Variants in SYBU observed in about 807,000 individuals in gnomAD.
SYBU encodes the protein syntabulin.
SYBU carries 21 observed loss-of-function variants against 35.9 expected under a neutral mutation model. The observed-to-expected ratio is 0.58, with a 90% CI of 0.41 to 0.84. The LOEUF (loss-of-function observed/expected upper bound fraction) is 0.84. Ranked by LOEUF, SYBU falls within the 40% of genes least tolerant of loss-of-function variation. The pLI, the probability that SYBU is intolerant of heterozygous loss-of-function variation, is 0.00. For synonymous variants in SYBU, 319 were observed against 324.3 expected, an observed-to-expected ratio of 0.98 and a Z score of 0.18; for missense variants, 768 against 848.2, an observed-to-expected ratio of 0.91 and a Z score of 1.17.
intron 1 of SYBU, among the ~76,000 whole-genome samples, chr8:109,686,504 C>A (rs541983627): frequency 6.6e-6 from 1 of 152,080 alleles, no homozygotes; most frequent in Non-Finnish European, 1.5e-5. Context: ...CATTCCATAC[C>A]ATTTAAAGTT....
At chr8:109,593,439 T>C (rs1824514304) in intron 3 of SYBU, among the ~76,000 whole-genome samples, 1 of 152,162 alleles carries the variant, frequency 6.6e-6, no homozygotes, top group Non-Finnish European at 1.5e-5. Flanking sequence ...GAATACATTA[T>C]CAGAGGACTG....
chr8:109,633,001 G>A (rs1333530388), intron 2 of SYBU, among the ~76,000 whole-genome samples: 1 of 152,126 alleles, frequency 6.6e-6, no homozygotes, highest in African/African-American at 2.4e-5. Context: ...TTTGCTTCAT[G>A]AACAGAAAGG....
At chr8:109,581,746 G>A (rs1277197586) in intron 4 of SYBU, among the ~76,000 whole-genome samples, 2 of 152,150 alleles carry the variant, frequency 1.3e-5, no homozygotes, top group Non-Finnish European at 2.9e-5. Flanking sequence ...GGGTACACTT[G>A]GCTTCAAAAC....
intron 6 of SYBU, 51 bp downstream of exon 6, chr8:109,577,817 A>G (rs773167977): frequency 2.0e-6 from 3 of 1,501,990 alleles, no homozygotes; most frequent in East Asian, 4.7e-5. Context: ...ATTTCATTTT[A>G]TGGAGAAAGA....
At position 109,575,987 on chromosome 8, in the gene SYBU, G is replaced by GACTT; in HGVS notation, c.907_910dup (p.Ser304Ter). 5.6e-6 allele frequency: 9 copies of GACTT among 1,600,424 alleles called. No homozygotes were observed. The highest frequency in any genetic ancestry group is 6.8e-6 in the Non-Finnish European group (8 of 1,176,726). The stretch of plus-strand genomic sequence containing the variant: ...GTCCTCTCGCATGCGGGCCAGCTGG[G>GACTT]ACTTAAGCTCCACGATTTCACTTTC... On this transcript the variant is annotated stop_gained and frameshift_variant, in exon 7 of 7. Coordinates refer to ENST00000276646, the MANE Select transcript of SYBU (RefSeq NM_001099754.2). LOFTEE classifies it low-confidence loss of function (END_TRUNC).
intron 5 of SYBU, 88 bp from the exon 6 acceptor site, chr8:109,578,105 G>A: frequency 3.7e-6 from 5 of 1,369,720 alleles, no homozygotes; most frequent in Admixed American, 2.2e-5. Flanking sequence ...TCAACTGAAT[G>A]TCTGTGTCCC....
intron 4 of SYBU, chr8:109,580,918 T>C (rs1269093813): frequency 6.6e-6 from 1 of 152,266 alleles, no homozygotes; most frequent in African/African-American, 2.4e-5. Context: ...CCTTAGGTTT[T>C]TGAACTCATA....
At chr8:109,652,790 G>A (rs1351061618) in intron 1 of SYBU, among the ~76,000 whole-genome samples, 1 of 152,194 alleles carries the variant, frequency 6.6e-6, no homozygotes, top group Admixed American at 6.5e-5. Context: ...ATTATTTGGT[G>A]GTTGTGAAAT....
At chr8:109,604,919 A>ATCT (rs1825917516) in intron 3 of SYBU, among the ~76,000 whole-genome samples, 1 of 152,198 alleles carries the variant, frequency 6.6e-6, no homozygotes, top group African/African-American at 2.4e-5. Context: ...AGGCTCACAG[A>ATCT]GCCTGCCTAT....
chr8:109,577,904 G>GT lies in SYBU; in HGVS notation c.847dup (p.Thr283AsnfsTer7). ...TCGGCGCTCAGATTCCTTCAGCTTG[G>GT]TTTTGAGGTGTCTCACTGTCACCTC... is the stretch of plus-strand genomic sequence containing the variant. On this transcript the variant is annotated frameshift_variant, in exon 6 of 7. Transcript: ENST00000276646. LOFTEE classifies it low-confidence loss of function (END_TRUNC). 6.2e-7 allele frequency: 1 copy of GT among 1,613,802 alleles called. No homozygotes were observed. Among genetic ancestry groups the GT allele is most frequent in the South Asian group, 1.1e-5 (1 of 90,946 alleles).
chr8:109,614,944 T>C (rs1490710267), intron 3 of SYBU, among the ~76,000 whole-genome samples: 1 of 152,246 alleles, frequency 6.6e-6, no homozygotes, highest in Non-Finnish European at 1.5e-5. Flanking sequence ...CGGGCCCTGT[T>C]GGCAAGGTAC....
At chr8:109,576,041 T>G in intron 6 of SYBU, 28 bp from the exon 7 acceptor site, 1 of 754,108 alleles carries the variant, frequency 1.3e-6, no homozygotes. Flanking sequence ...GCATGGTTAA[T>G]TAAAAAAAAA....
At position 109,644,716 on chromosome 8, in the gene SYBU, C is replaced by A; in HGVS notation, c.-57G>T. On this transcript the variant is annotated 5_prime_UTR_variant, in exon 1 of 7. Coordinates refer to ENST00000276646, the MANE Select transcript of SYBU (RefSeq NM_001099754.2). ...CGCTGCCGCCGTCCAGGAGGAGGCACCTGCGAGCACGGAGCGAGGAGACTG... is the reference window on the plus strand; with the variant it reads ...CGCTGCCGCCGTCCAGGAGGAGGCAACTGCGAGCACGGAGCGAGGAGACTG... The A allele has an allele frequency of 6.9e-7, 1 of 1,459,622 alleles. No individual in the cohort carries two copies. The highest frequency in any genetic ancestry group is 9.0e-7 in the Non-Finnish European group (1 of 1,114,098). The allele number at this position is 1,459,622 out of a possible 1,614,324, so 90.4% of individuals were successfully genotyped here. A position where few individuals can be genotyped will look rare whatever the true frequency, so the allele number is the denominator to read the frequency against.
chr8:109,580,369 A>T (rs1822885793), intron 4 of SYBU: 1 of 210,156 alleles, frequency 4.8e-6, no homozygotes, highest in African/African-American at 2.3e-5. Context: ...TTTTTGTTCT[A>T]GTCCACCTGT....
At chr8:109,690,562 A>G (rs1817622536) in intron 1 of SYBU, among the ~76,000 whole-genome samples, 1 of 152,196 alleles carries the variant, frequency 6.6e-6, no homozygotes, top group African/African-American at 2.4e-5. Flanking sequence ...GTTTTCCTTG[A>G]TAGCACTACC....
At chr8:109,619,233 T>TC (rs1812165800) in intron 2 of SYBU, among the ~76,000 whole-genome samples, 194 bp from the exon 3 acceptor site, 1 of 151,728 alleles carries the variant, frequency 6.6e-6, no homozygotes, top group Admixed American at 6.6e-5. Flanking sequence ...GCAAAACCTT[T>TC]TTTTTTTTTT....
intron 1 of SYBU, among the ~76,000 whole-genome samples, chr8:109,660,147 G>A (rs1816507640): frequency 6.6e-6 from 1 of 152,028 alleles, no homozygotes; most frequent in Admixed American, 6.5e-5. Flanking sequence ...AATAAAACTA[G>A]AACCATAGTT....
chr8:109,576,403 C>A (rs1365073351), intron 6 of SYBU, among the ~76,000 whole-genome samples: 1 of 152,150 alleles, frequency 6.6e-6, no homozygotes, highest in East Asian at 1.9e-4. Context: ...TCTACTCAAT[C>A]CTTAATATTT....
rs1815414343 is a variant in SYBU at position 109,644,756 on chromosome 8, G to C, written c.-97C>G. ...CGAGGAGACTGCGCTGAGCCGGCGC[G>C]GGCTGCGGGCGGCGGCTCTTGGTGA... On this transcript the variant is annotated 5_prime_UTR_variant, in exon 1 of 7. Coordinates refer to ENST00000276646, the MANE Select transcript of SYBU (RefSeq NM_001099754.2). The C allele has an allele frequency of 1.7e-6, 2 of 1,202,108 alleles. No homozygotes were observed. The highest frequency in any genetic ancestry group is 2.1e-6 in the Non-Finnish European group (2 of 931,744). 74.5% of individuals were successfully genotyped at this position (1,202,108 alleles called of 1,614,324 possible).
Sources: allele counts gnomAD v4.1 joint callset (sites outside exome capture counted in the v4.1 genomes callset), GRCh38; gene constraint gnomAD v4.1.1; transcripts MANE v1.5; gene names NCBI Gene and HGNC (gene_info 2026-07-23, HGNC 2026-07-21).